Variants in LUZP2 observed in about 807,000 individuals in gnomAD.
LUZP2 encodes leucine zipper protein 2.
Under a neutral mutation model 51.6 loss-of-function variants are expected in LUZP2, and 52 were observed. That is an observed-to-expected ratio of 1.01 (90% CI 0.81 to 1.27). The LOEUF is 1.27. Ranked by LOEUF, LUZP2 falls within the 50% of genes most tolerant of loss-of-function variation. The probability of loss-of-function intolerance (pLI) is 0.00; values close to 1 mark genes in which losing one functional copy is unlikely to be tolerated. For synonymous variants in LUZP2, 154 were observed against 137.3 expected (o/e 1.12, Z -0.85); for missense variants, 436 against 395.4 (o/e 1.10, Z -0.87).
rs979570709 is a variant in LUZP2 at position 24,569,820 on chromosome 11, G to A, written c.62+72515G>A. 3.9e-5 allele frequency among the ~76,000 whole-genome samples: 6 copies of A among 152,054 alleles called. No individual in the cohort carries two copies. The East Asian group carries it at 9.7e-4, about 24-fold the overall frequency. The stretch of plus-strand genomic sequence containing the variant: ...CACTTGGAAAAAGAAAAATGGAATA[G>A]TATGGGGAATCTGTATAAATAATCA... On this transcript the variant is annotated intron_variant, in intron 1 of 11. Transcript: ENST00000336930.
chr11:24,839,293 T>TA (rs1300570959), intron 5 of LUZP2, among the ~76,000 whole-genome samples: 1 of 151,724 alleles, frequency 6.6e-6, no homozygotes, highest in Non-Finnish European at 1.5e-5. Flanking sequence ...TTTCAATCAT[T>TA]AGTCTGATTT....
intron 5 of LUZP2, among the ~76,000 whole-genome samples, chr11:24,897,461 A>T (rs985456842): frequency 6.6e-6 from 1 of 152,036 alleles, no homozygotes. Flanking sequence ...GAAACCATGA[A>T]CCCACCGGGA....
intron 7 of LUZP2, among the ~76,000 whole-genome samples, chr11:24,920,639 A>G (rs1421255307): frequency 1.3e-5 from 2 of 152,068 alleles, no homozygotes; most frequent in Admixed American, 6.6e-5. Flanking sequence ...GCAGCAATAC[A>G]GGTGAAACTG....
intron 1 of LUZP2, among the ~76,000 whole-genome samples, chr11:24,709,898 T>C (rs959782216): frequency 6.6e-6 from 1 of 152,196 alleles, no homozygotes; most frequent in Non-Finnish European, 1.5e-5. Flanking sequence ...AAGTTAACTT[T>C]GGTGTCTGCC....
chr11:24,617,650 A>C (rs942984004), intron 1 of LUZP2, among the ~76,000 whole-genome samples: 3 of 151,980 alleles, frequency 2.0e-5, no homozygotes, highest in African/African-American at 7.2e-5. Flanking sequence ...GTGAAACCTC[A>C]TCTCTATTAA....
chr11:24,720,791 C>T (rs1280924620), intron 1 of LUZP2, among the ~76,000 whole-genome samples: 1 of 152,134 alleles, frequency 6.6e-6, no homozygotes, highest in Non-Finnish European at 1.5e-5. Flanking sequence ...CTCTGCCTCC[C>T]GGGTTCACGC....
chr11:24,836,614 A>G (rs1482268551), intron 5 of LUZP2, among the ~76,000 whole-genome samples: 1 of 151,858 alleles, frequency 6.6e-6, no homozygotes, highest in African/African-American at 2.4e-5. Flanking sequence ...GCATAACTTG[A>G]ACCTTATCAA....
chr11:24,687,877 G>A (rs1856941132), intron 1 of LUZP2, among the ~76,000 whole-genome samples: 1 of 152,010 alleles, frequency 6.6e-6, no homozygotes, highest in African/African-American at 2.4e-5. Flanking sequence ...TTTTTCAAAA[G>A]AAGAGCTTAC....
rs547865872 is a variant in LUZP2 at position 24,733,835 on chromosome 11, G to A, written c.251+1647G>A. 2.0e-5 allele frequency among the ~76,000 whole-genome samples: 3 copies of A among 151,714 alleles called. No homozygotes were observed. The South Asian group carries it at 6.2e-4, about 31-fold the overall frequency. ...TAGAGTATCTCAGGTTAGGAATGGA[G>A]AATAAACAAAAATAGAAAAACAAAA... On this transcript the variant is annotated intron_variant, in intron 3 of 11. Transcript: ENST00000336930.
chr11:24,549,457 G>A (rs886607474), intron 1 of LUZP2, among the ~76,000 whole-genome samples: 2 of 151,946 alleles, frequency 1.3e-5, no homozygotes, highest in South Asian at 2.1e-4. Context: ...ATAAGTCTAC[G>A]GAGTACAATA....
At chr11:24,592,630 A>C (rs1440724382) in intron 1 of LUZP2, among the ~76,000 whole-genome samples, 1 of 151,744 alleles carries the variant, frequency 6.6e-6, no homozygotes, top group African/African-American at 2.4e-5. Context: ...CTAATGTGAG[A>C]TCCATTATGC....
chr11:24,734,764 C>A (rs1001058638), intron 3 of LUZP2, among the ~76,000 whole-genome samples: 1 of 151,860 alleles, frequency 6.6e-6, no homozygotes, highest in African/African-American at 2.4e-5. Flanking sequence ...AAAAATATCA[C>A]CTTTGGTTAT....
At chr11:24,686,537 C>T (rs983069931) in intron 1 of LUZP2, among the ~76,000 whole-genome samples, 1 of 152,148 alleles carries the variant, frequency 6.6e-6, no homozygotes, top group Non-Finnish European at 1.5e-5. Context: ...TGTTTTTATT[C>T]TAAATGTGTA....
intron 1 of LUZP2, among the ~76,000 whole-genome samples, chr11:24,658,993 C>A (rs866256338): frequency 4.1e-4 from 62 of 151,972 alleles, no homozygotes; most frequent in Middle Eastern, 3.4e-3. Context: ...CTAGTTCAAC[C>A]ATTGTGGAAG....
At chr11:24,818,959 G>T (rs1455101109) in intron 5 of LUZP2, among the ~76,000 whole-genome samples, 1 of 151,898 alleles carries the variant, frequency 6.6e-6, no homozygotes, top group African/African-American at 2.4e-5. Context: ...AATATTTTTT[G>T]AATACATTAA....
At chr11:24,567,739 C>T (rs1852290711) in intron 1 of LUZP2, among the ~76,000 whole-genome samples, 1 of 151,902 alleles carries the variant, frequency 6.6e-6, no homozygotes, top group Non-Finnish European at 1.5e-5. Context: ...TTCAACAAAG[C>T]TTCATTTCCA....
intron 1 of LUZP2, among the ~76,000 whole-genome samples, chr11:24,666,263 G>T (rs1856208898): frequency 6.6e-6 from 1 of 152,130 alleles, no homozygotes; most frequent in African/African-American, 2.4e-5. Context: ...AGATAGAGAT[G>T]GGGATCTGCA....
intron 1 of LUZP2, among the ~76,000 whole-genome samples, chr11:24,697,132 A>G (rs1857273944): frequency 6.6e-6 from 1 of 152,150 alleles, no homozygotes; most frequent in Non-Finnish European, 1.5e-5. Context: ...TGATGCCATC[A>G]TATACTATTA....
chr11:24,599,905 A>C (rs1160081984), intron 1 of LUZP2, among the ~76,000 whole-genome samples: 1 of 152,132 alleles, frequency 6.6e-6, no homozygotes, highest in Non-Finnish European at 1.5e-5. Flanking sequence ...TTATTTTCAC[A>C]CATAAGCATG....
Sources: gnomAD v4.1 joint callset for allele counts (sites outside exome capture counted in the v4.1 genomes callset) on GRCh38, gnomAD v4.1.1 for gene constraint, MANE v1.5 for transcripts, NCBI Gene and HGNC (gene_info 2026-07-23, HGNC 2026-07-21) for gene names.